Variants in SGSM1 observed in about 807,000 individuals in gnomAD.
SGSM1 encodes small G protein signaling modulator 1, also known as RUN and TBC1 domain containing 2.
A neutral mutation model predicts 133.8 loss-of-function variants in SGSM1; 73 were observed. That is an observed-to-expected ratio of 0.55 (90% CI 0.45 to 0.66). The LOEUF is 0.66. Ranked by LOEUF, SGSM1 falls within the 30% of genes least tolerant of loss-of-function variation. The pLI is 0.00. For synonymous variants in SGSM1, 563 were observed against 573.0 expected (o/e 0.98, Z 0.25); for missense variants, 1,213 against 1,448.1 (o/e 0.84, Z 2.64).
At chr22:24,897,330 A>G (rs1385349490) in intron 18 of SGSM1, among the ~76,000 whole-genome samples, 2 of 152,190 alleles carry the variant, frequency 1.3e-5, no homozygotes, top group Non-Finnish European at 2.9e-5. Flanking sequence ...CAGTGAGCCA[A>G]GATTGTGCCA....
intron 2 of SGSM1, among the ~76,000 whole-genome samples, chr22:24,822,340 C>G (rs1250621783): frequency 6.6e-6 from 1 of 152,062 alleles, no homozygotes; most frequent in African/African-American, 2.4e-5. Context: ...GATCTGCCCG[C>G]CTCGGCCTCC....
At chr22:24,879,145 G>A (rs1346244548) in intron 13 of SGSM1, among the ~76,000 whole-genome samples, 1 of 152,172 alleles carries the variant, frequency 6.6e-6, no homozygotes, top group East Asian at 1.9e-4. Context: ...AATTCTCATT[G>A]GCTCAGGTTG....
chr22:24,856,545 C>G (rs1930800525), intron 8 of SGSM1, among the ~76,000 whole-genome samples: 3 of 152,140 alleles, frequency 2.0e-5, no homozygotes. Context: ...GTCCCCTCAC[C>G]AGGGCCATTT....
intron 5 of SGSM1, among the ~76,000 whole-genome samples, chr22:24,851,932 GTC>G (rs2062906536): frequency 6.6e-6 from 1 of 152,196 alleles, no homozygotes; most frequent in Non-Finnish European, 1.5e-5. Flanking sequence ...GTAATAACAT[GTC>G]TCTGCCTCCT....
intron 2 of SGSM1, among the ~76,000 whole-genome samples, chr22:24,827,412 T>A (rs1030716211): frequency 6.6e-6 from 1 of 151,774 alleles, no homozygotes; most frequent in African/African-American, 2.4e-5. Context: ...GCGGGGCTGG[T>A]TTCTGAATGG....
chr22:24,839,512 G>A lies in SGSM1; in HGVS notation c.64-5385G>A, dbSNP rs572616228. Among the ~76,000 whole-genome samples, 27 of 152,276 alleles carry A rather than the reference G, an allele frequency of 1.8e-4. No homozygotes were observed. In the South Asian group the frequency reaches 5.4e-3, roughly 30 times the overall value. On this transcript the variant is annotated intron_variant, in intron 2 of 24. Coordinates refer to ENST00000400358, the MANE Select transcript of SGSM1 (RefSeq NM_001098497.3). ...AGCCCTGACCTTATAAAATGAGTTTGGAAGTGCTCCTGCCTCTTTAATATT... is the reference window on the plus strand; with the variant it reads ...AGCCCTGACCTTATAAAATGAGTTTAGAAGTGCTCCTGCCTCTTTAATATT...
chr22:24,903,137 C>T (rs1055835351), intron 20 of SGSM1, among the ~76,000 whole-genome samples: 9 of 151,926 alleles, frequency 5.9e-5, no homozygotes, highest in African/African-American at 2.2e-4. Flanking sequence ...GCCACTCACC[C>T]AGAATTAATG....
At chr22:24,897,457 A>C (rs778799977) in intron 18 of SGSM1, among the ~76,000 whole-genome samples, 1 of 152,118 alleles carries the variant, frequency 6.6e-6, no homozygotes, top group African/African-American at 2.4e-5. Context: ...ACACAAGCAC[A>C]TAGATCACTT....
intron 3 of SGSM1, among the ~76,000 whole-genome samples, chr22:24,846,726 A>G (rs537847418): frequency 6.6e-6 from 1 of 152,232 alleles, no homozygotes; most frequent in Non-Finnish European, 1.5e-5. Flanking sequence ...GCCATAAGCA[A>G]ATGAAAAGTA....
rs183605434 is a variant in SGSM1 at position 24,892,036 on chromosome 22, C to T, written c.1771-1395C>T. 5.5e-3 allele frequency among the ~76,000 whole-genome samples: 837 copies of T among 152,162 alleles called. 6 individuals carry two copies. The highest frequency in any genetic ancestry group is 0.02 in the African/African-American group (811 of 41,494). ...GAGGCTGGAGAGGAAACAAGGATCA[C>T]GACTGCTAAGTGGTGCACGGTTCAG... On this transcript the variant is annotated intron_variant, in intron 16 of 24. Transcript: ENST00000400358.
At chr22:24,858,078 G>A (rs1930912421) in intron 8 of SGSM1, among the ~76,000 whole-genome samples, 1 of 152,194 alleles carries the variant, frequency 6.6e-6, no homozygotes, top group Non-Finnish European at 1.5e-5. Context: ...CTGGGCTCAA[G>A]CAATCCTCCC....
At chr22:24,829,503 C>T (rs1386889729) in intron 2 of SGSM1, among the ~76,000 whole-genome samples, 3 of 152,164 alleles carry the variant, frequency 2.0e-5, no homozygotes, top group African/African-American at 7.2e-5. Context: ...GAGATCTGTA[C>T]GTGTACCCTT....
At chr22:24,880,788 G>T (rs905662152) in intron 14 of SGSM1, among the ~76,000 whole-genome samples, 4 of 152,210 alleles carry the variant, frequency 2.6e-5, no homozygotes, top group African/African-American at 9.6e-5. Context: ...ATCCCTAATG[G>T]TGACTGAGAA....
intron 16 of SGSM1, among the ~76,000 whole-genome samples, chr22:24,891,932 G>C (rs532308101): frequency 1.3e-5 from 2 of 152,278 alleles, no homozygotes; most frequent in East Asian, 1.9e-4. Context: ...AATGGGTTTA[G>C]GGAGGGGCAG....
At chr22:24,842,194 G>T (rs559958824) in intron 2 of SGSM1, among the ~76,000 whole-genome samples, 13 of 152,304 alleles carry the variant, frequency 8.5e-5, no homozygotes, top group African/African-American at 3.1e-4. Flanking sequence ...GTAGATTCCT[G>T]CAGAGGGGAG....
chr22:24,855,508 C>A (rs370241146), intron 7 of SGSM1, 41 bp from the exon 8 acceptor site: 1 of 1,613,382 alleles, frequency 6.2e-7, no homozygotes, highest in Middle Eastern at 1.6e-4. Context: ...CTGAAAATCA[C>A]CCCAGGCCTC....
intron 3 of SGSM1, among the ~76,000 whole-genome samples, chr22:24,846,578 G>T (rs1397071844): frequency 6.6e-6 from 1 of 152,074 alleles, no homozygotes; most frequent in African/African-American, 2.4e-5. Flanking sequence ...AAAGTATTTG[G>T]GTGGGAGAAA....
chr22:24,847,742 C>T lies in SGSM1; in HGVS notation c.248C>T (p.Pro83Leu), dbSNP rs186001144. The change falls in exon 4 of 25, where the codon CCG becomes CTG. Residue 83 changes from proline to leucine, a missense_variant. Transcript: ENST00000400358. ...LFMKVGKNFP[P>L]AEDLSRKVQD... ...ATGAAAGTGGGCAAGAACTTCCCGC[C>T]GGCTGAGGATCTGAGCCGCAAGGTG... The T allele has an allele frequency of 5.1e-5, 83 of 1,613,852 alleles. No homozygotes were observed. The African/African-American group carries it at 6.3e-4, about 12-fold the overall frequency.
Position 24,901,814 on chromosome 22 carries a change from C to T in SGSM1, c.2611-19C>T. The T allele has an allele frequency of 6.2e-7, 1 of 1,611,452 alleles. No homozygotes were observed. Among genetic ancestry groups the T allele is most frequent in the Non-Finnish European group, 8.5e-7 (1 of 1,178,886 alleles). On this transcript the variant is annotated intron_variant, in intron 19 of 24. Coordinates refer to ENST00000400358, the MANE Select transcript of SGSM1 (RefSeq NM_001098497.3). ...ATTTTTCATTTCTTCCCCCTACCCCCTGCCCCGATGGCCTATAGCCAGAGC... is the reference window on the plus strand; with the variant it reads ...ATTTTTCATTTCTTCCCCCTACCCCTTGCCCCGATGGCCTATAGCCAGAGC...
Sources: gnomAD v4.1 joint callset for allele counts (sites outside exome capture counted in the v4.1 genomes callset) on GRCh38, gnomAD v4.1.1 for gene constraint, MANE v1.5 for transcripts, NCBI Gene and HGNC (gene_info 2026-07-23, HGNC 2026-07-21) for gene names.